PPP6R2: variants seen among roughly 807,000 people sequenced by gnomAD.
The protein encoded by PPP6R2 is protein phosphatase 6 regulatory subunit 2, also known as serine/threonine-protein phosphatase 6 regulatory subunit 2.
Under a neutral mutation model 100.2 loss-of-function variants are expected in PPP6R2, and 62 were observed. The observed-to-expected ratio is 0.62, with a 90% CI of 0.50 to 0.76. PPP6R2 has a LOEUF of 0.76. Among genes scored for constraint, PPP6R2 ranks in the 30% least tolerant of loss-of-function variants. PPP6R2 has a pLI of 0.00. For missense variants in PPP6R2, 1,142 were observed against 1,276.3 expected, an observed-to-expected ratio of 0.89 and a Z score of 1.60; for synonymous variants, 525 against 514.7, an observed-to-expected ratio of 1.02 and a Z score of -0.27.
At chr22:50,437,188 C>G in intron 15 of PPP6R2, 120 bp downstream of exon 15, 4 of 1,024,548 alleles carry the variant, frequency 3.9e-6, no homozygotes, top group Non-Finnish European at 5.9e-6. Flanking sequence ...GGGGGCTCGT[C>G]TCCGAGCACG....
chr22:50,348,389 A>G (rs2044239817), intron 1 of PPP6R2, among the ~76,000 whole-genome samples: 1 of 152,138 alleles, frequency 6.6e-6, no homozygotes, highest in African/African-American at 2.4e-5. Context: ...TTTTGGAGGT[A>G]GAGCTGTTGG....
intron 1 of PPP6R2, among the ~76,000 whole-genome samples, chr22:50,355,896 A>G (rs2046439186): frequency 3.3e-5 from 5 of 151,190 alleles, no homozygotes; most frequent in Admixed American, 3.3e-4. Context: ...TAAAAAGTGT[A>G]CACATAACAC....
intron 1 of PPP6R2, among the ~76,000 whole-genome samples, chr22:50,350,078 A>T (rs2044687835): frequency 6.6e-6 from 1 of 152,086 alleles, no homozygotes; most frequent in African/African-American, 2.4e-5. Context: ...AGATTGTGCC[A>T]CTGCACTCCA....
chr22:50,375,567 T>G (rs896486948), intron 2 of PPP6R2, among the ~76,000 whole-genome samples: 38 of 152,112 alleles, frequency 2.5e-4, no homozygotes, highest in Admixed American at 8.5e-4. Context: ...CACATGTGCC[T>G]CACACCGTTC....
chr22:50,348,456 T>C (rs2044252416), intron 1 of PPP6R2, among the ~76,000 whole-genome samples: 1 of 152,258 alleles, frequency 6.6e-6, no homozygotes, highest in African/African-American at 2.4e-5. Flanking sequence ...CAGGGTAATT[T>C]CTGGGCTGCT....
chr22:50,366,792 T>A (rs2048855856), intron 1 of PPP6R2, among the ~76,000 whole-genome samples: 1 of 152,118 alleles, frequency 6.6e-6, no homozygotes, highest in Non-Finnish European at 1.5e-5. Context: ...AACTCCTAGT[T>A]TTGATTTTTC....
chr22:50,434,951 G>T lies in PPP6R2; in HGVS notation c.1401-15G>T. On this transcript the variant is annotated splice_polypyrimidine_tract_variant and intron_variant, in intron 12 of 23. Coordinates refer to ENST00000612753, the MANE Select transcript of PPP6R2 (RefSeq NM_001242898.2). ...GGGGCCAGGAGGCCGCCCCGATGGT[G>T]CCTGTTGCTTTCAGGGCAGCGGGTG... 1.3e-6 allele frequency: 2 copies of T among 1,597,590 alleles called. No homozygotes were observed. The highest frequency in any genetic ancestry group is 8.5e-7 in the Non-Finnish European group (1 of 1,174,690).
chr22:50,335,092 C>A, the PPP6R2 span, among the ~76,000 whole-genome samples: 36 of 151,644 alleles, frequency 2.4e-4, no homozygotes, highest in Non-Finnish European at 3.5e-4. Context: ...CGCTCTGTCG[C>A]CCAGGCTGGA....
chr22:50,333,336 T>G, the PPP6R2 span, among the ~76,000 whole-genome samples: 3 of 151,902 alleles, frequency 2.0e-5, no homozygotes. Flanking sequence ...CTTTGTTCTT[T>G]TTCTTTTTTT....
intron 1 of PPP6R2, among the ~76,000 whole-genome samples, chr22:50,356,263 C>T (rs1377253342): frequency 6.6e-6 from 1 of 151,714 alleles, no homozygotes. Flanking sequence ...CACGCCCGGC[C>T]TTCCCTCTTC....
intron 2 of PPP6R2, among the ~76,000 whole-genome samples, chr22:50,374,295 G>A (rs114824019): frequency 0.019 from 2,850 of 152,116 alleles, 90 homozygotes; most frequent in African/African-American, 0.065. Context: ...AGATCGTGCC[G>A]CTGCCCTCCA....
At chr22:50,366,452 C>A (rs533585405) in intron 1 of PPP6R2, among the ~76,000 whole-genome samples, 7 of 151,884 alleles carry the variant, frequency 4.6e-5, no homozygotes, top group Non-Finnish European at 7.4e-5. Flanking sequence ...TACAGGTGCC[C>A]GCCACCATGC....
At chr22:50,356,062 A>C (rs1014798781) in intron 1 of PPP6R2, among the ~76,000 whole-genome samples, 2 of 150,270 alleles carry the variant, frequency 1.3e-5, no homozygotes, top group Non-Finnish European at 3.0e-5. Flanking sequence ...TCCCAGGTTC[A>C]TGCCATTCTC....
In PPP6R2 at chr22:50,352,681, C is replaced by T. The variant is rs775331867; in HGVS notation, c.-148+9131C>T. 5.4e-4 allele frequency among the ~76,000 whole-genome samples: 82 copies of T among 151,274 alleles called. No homozygotes were observed. In the Middle Eastern group the frequency reaches 0.01, roughly 19 times the overall value. On this transcript the variant is annotated intron_variant, in intron 1 of 23. Transcript: ENST00000612753. Reference sequence around the variant, plus strand: ...TGGAAGTTGCAGTGAGCCAAGATCACGCCACTGCACTCCAGCCTGGTGACA... The same window carrying T: ...TGGAAGTTGCAGTGAGCCAAGATCATGCCACTGCACTCCAGCCTGGTGACA...
In PPP6R2 at chr22:50,437,896, AC is replaced by A; in HGVS notation, c.1836del (p.Asp612GlufsTer39). 1 of 1,557,076 alleles carries A rather than the reference AC, an allele frequency of 6.4e-7. No homozygotes were observed. The highest frequency in any genetic ancestry group is 8.7e-7 in the Non-Finnish European group (1 of 1,150,324). ...AACTTCAACATCGACGCTGACGAGG[AC>A]AGTGTGAGCAAGCCGGGCTGTGTGG... Reference protein sequence around the residue: ...EINFNIDADEDSPSAALFEAC... With the variant: ...EINFNIDADEXSPSAALFEAC... On this transcript the variant is annotated frameshift_variant, in exon 17 of 24. Coordinates refer to ENST00000612753, the MANE Select transcript of PPP6R2 (RefSeq NM_001242898.2). LOFTEE classifies it high-confidence loss of function.
chr22:50,409,236 G>A (rs1486568990), intron 4 of PPP6R2, among the ~76,000 whole-genome samples: 1 of 152,116 alleles, frequency 6.6e-6, no homozygotes, highest in African/African-American at 2.4e-5. Context: ...ATGACCGTCC[G>A]CATTTTCCCC....
chr22:50,422,735 G>A (rs536198591), intron 9 of PPP6R2, among the ~76,000 whole-genome samples: 40 of 152,272 alleles, frequency 2.6e-4, no homozygotes, highest in African/African-American at 9.6e-4. Context: ...CATGTTGAGG[G>A]GGGTGAGGCA....
At chr22:50,347,313 C>A (rs1178381939) in intron 1 of PPP6R2, among the ~76,000 whole-genome samples, 3 of 152,130 alleles carry the variant, frequency 2.0e-5, no homozygotes, top group Non-Finnish European at 4.4e-5. Flanking sequence ...GGAGAACTTT[C>A]AGTGCCCGCT....
chr22:50,432,539 G>T (rs899170314), intron 12 of PPP6R2, among the ~76,000 whole-genome samples: 2 of 152,200 alleles, frequency 1.3e-5, no homozygotes, highest in Non-Finnish European at 2.9e-5. Context: ...AGGGGACACA[G>T]GGAGCCGACA....
Sources: allele counts gnomAD v4.1 joint callset (sites outside exome capture counted in the v4.1 genomes callset), GRCh38; gene constraint gnomAD v4.1.1; transcripts MANE v1.5; gene names NCBI Gene and HGNC (gene_info 2026-07-23, HGNC 2026-07-21).